ADGRA3: variants seen among roughly 807,000 people sequenced by gnomAD.
ADGRA3 encodes the protein G-protein coupled receptor 125.
In ADGRA3, 56 loss-of-function variants were observed where a neutral mutation model predicts 119.8. The observed-to-expected ratio is 0.47, with a 90% CI of 0.38 to 0.58. ADGRA3 has a LOEUF of 0.58. ADGRA3 is among the 20% of genes least tolerant of loss of function. The pLI, the probability that ADGRA3 is intolerant of heterozygous loss-of-function variation, is 0.00. For synonymous variants in ADGRA3, 607 were observed against 623.8 expected (o/e 0.97, Z 0.40); for missense variants, 1,516 against 1,649.0 (o/e 0.92, Z 1.40).
chr4:22,450,158 T>C (rs1564138), intron 4 of ADGRA3, among the ~76,000 whole-genome samples: 123,235 of 152,036 alleles, frequency 0.81, 50,175 homozygotes, highest in Non-Finnish European at 0.85. Flanking sequence ...TAAATAAAAC[T>C]AAGAGGGAGT....
At chr4:22,484,873 CTTTT>C (rs199868914) in intron 1 of ADGRA3, among the ~76,000 whole-genome samples, 1 of 149,178 alleles carries the variant, frequency 6.7e-6, no homozygotes, top group Non-Finnish European at 1.5e-5. Context: ...TTTAGGCTGC[CTTTT>C]TTTTTTCTCC....
chr4:22,388,391 C>T lies in ADGRA3; in HGVS notation c.3280G>A (p.Ala1094Thr). ...GEAPKCPNSS[A>T]ESSCTNKSAS... is the part of the protein sequence containing the mutation. ...CTTTTGTTTGTGCATGAAGACTCCG[C>T]ACTGCTATTGGGGCATTTGGGTGCC... The change falls in exon 19 of 19, where the codon GCG becomes ACG. Residue 1094 changes from alanine to threonine, a missense_variant. Ala to Thr is a moderately conservative substitution (Grantham distance 58). Transcript: ENST00000334304. 1 of 1,614,050 alleles carries T rather than the reference C, an allele frequency of 6.2e-7. No homozygotes were observed. The highest frequency in any genetic ancestry group is 1.1e-5 in the South Asian group (1 of 91,078).
intron 10 of ADGRA3, among the ~76,000 whole-genome samples, chr4:22,429,524 T>C (rs1716074605): frequency 6.6e-6 from 1 of 152,050 alleles, no homozygotes. Context: ...GACCCCCTGT[T>C]ACAAAGCTAG....
chr4:22,426,730 T>A (rs1715949105), intron 10 of ADGRA3, among the ~76,000 whole-genome samples: 2 of 152,182 alleles, frequency 1.3e-5, no homozygotes, highest in African/African-American at 4.8e-5. Context: ...TAACACATTC[T>A]CAAGGGGTAC....
chr4:22,456,089 A>G (rs1220097471), intron 3 of ADGRA3, among the ~76,000 whole-genome samples: 2 of 152,204 alleles, frequency 1.3e-5, no homozygotes, highest in Admixed American at 6.5e-5. Flanking sequence ...ATTTCAAACT[A>G]AAAGTATTGG....
At chr4:22,395,211 G>T (rs1714300842) in intron 16 of ADGRA3, among the ~76,000 whole-genome samples, 1 of 151,950 alleles carries the variant, frequency 6.6e-6, no homozygotes, top group African/African-American at 2.4e-5. Context: ...TTGTAAAATG[G>T]GTATAAAATA....
chr4:22,461,773 G>A lies in ADGRA3; in HGVS notation c.365C>T (p.Pro122Leu), dbSNP rs1176537336. Residue 122 changes from proline to leucine, a missense_variant, in exon 3 of 19, where the codon CCA (proline) becomes CTA (leucine). Pro to Leu is a moderately conservative substitution (Grantham distance 98, BLOSUM62 -3). Transcript: ENST00000334304. ...LRNNLISSID[P>L]GAFWGLSSLK... ...AGATGACAGTCCCCAGAAGGCACCT[G>A]GATCTATACTACTAATAAGATTGTT... 10 of 1,606,398 alleles carry A rather than the reference G, an allele frequency of 6.2e-6. No homozygotes were observed. The highest frequency in any genetic ancestry group is 4.0e-5 in the African/African-American group (3 of 74,592).
At chr4:22,408,861 A>G (rs1715066462) in intron 14 of ADGRA3, among the ~76,000 whole-genome samples, 1 of 152,238 alleles carries the variant, frequency 6.6e-6, no homozygotes. Flanking sequence ...ACCTAGAAAC[A>G]GAAATGGCTA....
At chr4:22,390,943 T>C (rs892214050) in intron 17 of ADGRA3, among the ~76,000 whole-genome samples, 1 of 151,994 alleles carries the variant, frequency 6.6e-6, no homozygotes, top group African/African-American at 2.4e-5. Flanking sequence ...GTGTCAAATC[T>C]CATCCTACAA....
Position 22,444,998 on chromosome 4 carries a change from G to A in ADGRA3, c.681C>T (p.Gly227=), listed in dbSNP as rs148181904. The A allele has an allele frequency of 1.3e-3, 2,074 of 1,613,224 alleles. 16 individuals carry two copies. The Admixed American group carries it at 0.016, about 12-fold the overall frequency. The change falls in exon 6 of 19, where the codon GGC becomes GGT. Residue 227 remains glycine, a synonymous_variant. Coordinates refer to ENST00000334304, the MANE Select transcript of ADGRA3 (RefSeq NM_145290.4). ...CGCATGTCAACAGCTCCTGCTTCAC[G>A]CCTGTGACTGGTTGGGCCTGCAGTG... ...PKSLQAQPVT[G]VKQELLTCDP...
intron 1 of ADGRA3, among the ~76,000 whole-genome samples, chr4:22,494,799 C>T (rs973586247): frequency 1.3e-5 from 2 of 151,800 alleles, no homozygotes; most frequent in African/African-American, 4.9e-5. Flanking sequence ...CTAAATAATA[C>T]ATTTACAGAA....
chr4:22,393,689 C>T (rs1006691487), intron 16 of ADGRA3: 20 of 152,112 alleles, frequency 1.3e-4, no homozygotes, highest in African/African-American at 4.1e-4. Flanking sequence ...TTTAGCAAAT[C>T]GCCTAGTGTG....
rs59815336 is a variant in ADGRA3, at chr4:22,430,815, A to AGGCATCCCAGGAAAACG, written c.1443+4495_1443+4496insCGTTTTCCTGGGATGCC. On this transcript the variant is annotated intron_variant, in intron 10 of 18. Transcript: ENST00000334304. ...CAGCCCCTCCCATCACAGGCCTGTGATGGTTTCATAGGCTGGGCCCAGGGT... is the reference window on the plus strand; with the variant it reads ...CAGCCCCTCCCATCACAGGCCTGTGAGGCATCCCAGGAAAACGTGGTTTCATAGGCTGGGCCCAGGGT... 2.0e-5 allele frequency among the ~76,000 whole-genome samples: 3 copies of AGGCATCCCAGGAAAACG among 151,982 alleles called. No homozygotes were observed. In the East Asian group the frequency reaches 5.9e-4, roughly 30 times the overall value.
chr4:22,505,007 G>A (rs1719188276), intron 1 of ADGRA3, among the ~76,000 whole-genome samples: 1 of 152,154 alleles, frequency 6.6e-6, no homozygotes, highest in South Asian at 2.1e-4. Flanking sequence ...CAGGAAGGTA[G>A]GGTAACTACT....
intron 7 of ADGRA3, 42 bp downstream of exon 7, chr4:22,442,608 C>T (rs1289665014): frequency 1.5e-6 from 2 of 1,362,860 alleles, no homozygotes; most frequent in African/African-American, 1.5e-5. Flanking sequence ...AAATAAAATA[C>T]ACAGGCACAA....
chr4:22,426,455 A>G (rs1284909245), intron 10 of ADGRA3, among the ~76,000 whole-genome samples: 1 of 152,214 alleles, frequency 6.6e-6, no homozygotes, highest in Non-Finnish European at 1.5e-5. Flanking sequence ...GATATGTATC[A>G]ATATTCATTT....
chr4:22,401,050 C>T (rs1190825313), intron 16 of ADGRA3, among the ~76,000 whole-genome samples: 2 of 151,540 alleles, frequency 1.3e-5, no homozygotes, highest in South Asian at 2.1e-4. Flanking sequence ...TTATGATTAA[C>T]TCTTTTTCTA....
chr4:22,409,153 T>C (rs1004222057), intron 14 of ADGRA3, among the ~76,000 whole-genome samples: 4 of 152,174 alleles, frequency 2.6e-5, no homozygotes, highest in African/African-American at 9.7e-5. Context: ...CTACAAATCT[T>C]GTTCTTATAC....
chr4:22,452,397 T>C lies in ADGRA3; in HGVS notation c.473+2469A>G, dbSNP rs137877904. Reference sequence around the variant, plus strand: ...TGCACCTGTACCCCAGAAATCTATATACAAATACAAATAAATCAAATTTAA... The same window carrying C: ...TGCACCTGTACCCCAGAAATCTATACACAAATACAAATAAATCAAATTTAA... On this transcript the variant is annotated intron_variant, in intron 4 of 18. Coordinates refer to ENST00000334304, the MANE Select transcript of ADGRA3 (RefSeq NM_145290.4). Among the ~76,000 whole-genome samples, 501 of 152,280 alleles carry C rather than the reference T, an allele frequency of 3.3e-3. 4 individuals carry two copies. The highest frequency in any genetic ancestry group is 0.011 in the African/African-American group (476 of 41,556).
Sources: allele counts gnomAD v4.1 joint callset (sites outside exome capture counted in the v4.1 genomes callset), GRCh38; gene constraint gnomAD v4.1.1; transcripts MANE v1.5; gene names NCBI Gene and HGNC (gene_info 2026-07-23, HGNC 2026-07-21).